CD163L1: variants seen among roughly 807,000 people sequenced by gnomAD.
CD163L1 encodes scavenger receptor cysteine-rich type 1 protein M160.
A neutral mutation model predicts 165.4 loss-of-function variants in CD163L1; 124 were observed. That is an observed-to-expected ratio of 0.75 (90% confidence interval 0.65 to 0.87). The LOEUF is 0.87. CD163L1 is among the 40% of genes least tolerant of loss of function. CD163L1 has a pLI of 0.00. For synonymous variants in CD163L1, 585 were observed against 662.2 expected (o/e 0.88, Z 1.79); for missense variants, 1,525 against 1,799.9 (o/e 0.85, Z 2.76).
intron 18 of CD163L1, among the ~76,000 whole-genome samples, chr12:7,364,872 C>T (rs914463596): frequency 1.1e-4 from 16 of 152,050 alleles, no homozygotes; most frequent in South Asian, 6.2e-4. Context: ...ACGGATTCAA[C>T]GCAATCTCTT....
chr12:7,439,357 C>T (rs759435468), intron 2 of CD163L1: 64 of 1,598,138 alleles, frequency 4.0e-5, no homozygotes, highest in Non-Finnish European at 4.9e-5. Context: ...TTTTTGGACT[C>T]CTTTAGTTCT....
rs1947188430 is a variant in CD163L1, at chr12:7,373,540, C to T, written c.3510G>A (p.Arg1170=). ...YNGTWGSVGR[R]NITTAIAGIV... ...TGCCTGCTATGGCTGTGGTGATGTT[C>T]CTCCTGCCGACGCTGCCCCAGGTCC... The change falls in exon 14 of 20, where the codon AGG becomes AGA. Residue 1170 remains arginine (R), a synonymous_variant. Transcript: ENST00000313599. 8 of 1,614,100 alleles carry T rather than the reference C, an allele frequency of 5.0e-6. No individual in the cohort carries two copies. Among genetic ancestry groups the T allele is most frequent in the Non-Finnish European group, 4.2e-6 (5 of 1,180,040 alleles).
chr12:7,365,645 C>T (rs1947000560), intron 18 of CD163L1, among the ~76,000 whole-genome samples: 1 of 151,774 alleles, frequency 6.6e-6, no homozygotes, highest in African/African-American at 2.4e-5. Context: ...TACAAATGGC[C>T]AATATGTAAA....
At chr12:7,375,154 G>T in intron 11 of CD163L1, 127 bp downstream of exon 11, 1 of 941,806 alleles carries the variant, frequency 1.1e-6, no homozygotes. Context: ...GTTACTCTTT[G>T]ACTGTCATGC....
rs1042668180 is a variant in CD163L1, at chr12:7,369,046, G to A, written c.4040-81C>T. On this transcript the variant is annotated intron_variant, in intron 15 of 19. Coordinates refer to ENST00000313599, the MANE Select transcript of CD163L1 (RefSeq NM_174941.6). The surrounding 1 kb of genome is among the most constrained non-coding windows in gnomAD (Gnocchi z 4.9). Reference sequence around the variant, plus strand: ...TCTTTTTACATCTCCTGCGATTATCGGATGTCATTTAAATATCCTTTTAAC... The same window carrying A: ...TCTTTTTACATCTCCTGCGATTATCAGATGTCATTTAAATATCCTTTTAAC... 5.2e-5 allele frequency: 74 copies of A among 1,418,552 alleles called. 1 individual carries two copies. In the South Asian group the frequency reaches 6.5e-4, roughly 13 times the overall value. 87.9% of individuals were successfully genotyped at this position (1,418,552 alleles called of 1,614,324 possible). A position where few individuals can be genotyped will look rare whatever the true frequency, so the allele number is the denominator to read the frequency against.
At position 7,375,594 on chromosome 12, in the gene CD163L1, T is replaced by A. The variant is rs1947250745; in HGVS notation, c.2688A>T (p.Arg896=). The A allele has an allele frequency of 6.2e-6, 10 of 1,612,208 alleles. No homozygotes were observed. Among genetic ancestry groups the A allele is most frequent in the Non-Finnish European group, 8.5e-6 (10 of 1,179,842 alleles). ...CATTCACAAGTCGGACATCTGTATA[T>A]CCTAGGAGGAGACAAGGCCATAGAA... is the stretch of plus-strand genomic sequence containing the variant. ...HSREVGVVCS[R]YTDVRLVNGK... The change falls in exon 11 of 20, where the codon CGA becomes CGT. Residue 896 remains arginine, a splice_region_variant and synonymous_variant. Transcript: ENST00000313599.
In CD163L1 at chr12:7,398,137, T is replaced by C. The variant is rs1217517699; in HGVS notation, c.1729+127A>G. The C allele has an allele frequency of 1.3e-6, 1 of 777,878 alleles. No individual in the cohort carries two copies. The highest frequency in any genetic ancestry group is 2.0e-6 in the Non-Finnish European group (1 of 490,260). 48.2% of individuals were successfully genotyped at this position (777,878 alleles called of 1,614,324 possible). A position where few individuals can be genotyped will look rare whatever the true frequency, so the allele number is the denominator to read the frequency against. On this transcript the variant is annotated intron_variant, in intron 7 of 19. Coordinates refer to ENST00000313599, the MANE Select transcript of CD163L1 (RefSeq NM_174941.6). The surrounding 1 kb of genome is among the most constrained non-coding windows in gnomAD (Gnocchi z 4.5). ...CCAGGTGAAGTGAACTGAAGTCTAA[T>C]TTAAAGACAAGAGTCATGGCCCCTC...
rs1196536473 is a variant in CD163L1 at position 7,406,454 on chromosome 12, G to T, written c.1087+78C>A. 8 of 1,379,724 alleles carry T rather than the reference G, an allele frequency of 5.8e-6. No homozygotes were observed. In the Admixed American group the frequency reaches 1.7e-4, roughly 30 times the overall value. The allele number at this position is 1,379,724 out of a possible 1,614,324, so 85.5% of individuals were successfully genotyped here. ...CAATTCTTACACATCACAATTGGTTGTAACTTTTTCAGGGTTTGGTCCTAG... is the reference window on the plus strand; with the variant it reads ...CAATTCTTACACATCACAATTGGTTTTAACTTTTTCAGGGTTTGGTCCTAG... On this transcript the variant is annotated intron_variant, in intron 5 of 19. Coordinates refer to ENST00000313599, the MANE Select transcript of CD163L1 (RefSeq NM_174941.6).
Position 7,432,621 on chromosome 12 carries a change from A to G in CD163L1, c.561T>C (p.Asn187=). 1 of 1,614,210 alleles carries G rather than the reference A, an allele frequency of 6.2e-7. No individual in the cohort carries two copies. The highest frequency in any genetic ancestry group is 8.5e-7 in the Non-Finnish European group (1 of 1,180,044). ...GTTGCCTGCACACCACGGCAGCAGT[A>G]TTCAAGTTCCACCCATCATCACATA... ...GTICDDGWNL[N]TAAVVCRQLG... The change falls in exon 4 of 20, where the codon AAT becomes AAC. Residue 187 remains asparagine, a synonymous_variant. Transcript: ENST00000313599. This position sits in a 1 kb window ranked among gnomAD's most constrained non-coding sequence, Gnocchi z 4.2.
chr12:7,434,361 C>T (rs1176283124), intron 2 of CD163L1, among the ~76,000 whole-genome samples: 1 of 152,038 alleles, frequency 6.6e-6, no homozygotes, highest in African/African-American at 2.4e-5. Context: ...ACTCATATTC[C>T]CATCTTAAAA....
rs1190214545 is a variant in CD163L1 at position 7,412,989 on chromosome 12, G to A, written c.767-6137C>T. ...CAGGTGCCTATAATCCCAGCCACTC[G>A]GGAGGCTGAGGCAGGAGAATCGCTT... On this transcript the variant is annotated intron_variant, in intron 4 of 19. Transcript: ENST00000313599. Among the ~76,000 whole-genome samples, 3 of 151,290 alleles carry A rather than the reference G, an allele frequency of 2.0e-5. 1 individual carries two copies. The highest frequency in any genetic ancestry group is 4.4e-5 in the Non-Finnish European group (3 of 67,784).
In CD163L1 at chr12:7,368,004, T is replaced by A; in HGVS notation, c.4183+83A>T. On this transcript the variant is annotated intron_variant, in intron 17 of 19. Transcript: ENST00000313599. This position sits in a 1 kb window ranked among gnomAD's most constrained non-coding sequence, Gnocchi z 4.3. ...TCACTCAAAGTGGCAAGTGCATTTCTTCCATTCTGCAAGAATCCCCCATCC... is the reference window on the plus strand; with the variant it reads ...TCACTCAAAGTGGCAAGTGCATTTCATCCATTCTGCAAGAATCCCCCATCC... 1 of 810,936 alleles carries A rather than the reference T, an allele frequency of 1.2e-6. No individual in the cohort carries two copies. Among genetic ancestry groups the A allele is most frequent in the Non-Finnish European group, 2.1e-6 (1 of 468,506 alleles). 50.2% of individuals were successfully genotyped at this position (810,936 alleles called of 1,614,324 possible). A position where few individuals can be genotyped will look rare whatever the true frequency, so the allele number is the denominator to read the frequency against.
At chr12:7,414,773 C>G (rs1049237869) in intron 4 of CD163L1, among the ~76,000 whole-genome samples, 4 of 152,038 alleles carry the variant, frequency 2.6e-5, no homozygotes, top group Non-Finnish European at 5.9e-5. Flanking sequence ...CTCAACAGAA[C>G]CTTGCAACCT....
At chr12:7,352,728 A>G (rs1176183797), downstream of CD163L1, among the ~76,000 whole-genome samples, 7 of 152,148 alleles carry the variant, frequency 4.6e-5, no homozygotes, top group African/African-American at 1.4e-4. Context: ...AACTCAGCAG[A>G]GACATCAGAG....
chr12:7,389,523 TG>T (rs1947600583), intron 8 of CD163L1, among the ~76,000 whole-genome samples: 1 of 151,664 alleles, frequency 6.6e-6, no homozygotes, highest in Admixed American at 6.6e-5. Context: ...GGAAGGGTAA[TG>T]GGGGGCTGGA....
chr12:7,363,216 G>A (rs1471007387), intron 18 of CD163L1, among the ~76,000 whole-genome samples: 1 of 152,008 alleles, frequency 6.6e-6, no homozygotes, highest in East Asian at 1.9e-4. Flanking sequence ...GTTTGAGGCA[G>A]GAGATTTGCT....
chr12:7,340,284 A>G, the CD163L1 span, among the ~76,000 whole-genome samples: 8 of 152,274 alleles, frequency 5.3e-5, no homozygotes, highest in East Asian at 1.5e-3. Context: ...GTCTGAGTAC[A>G]TATTTGGATT....
At chr12:7,413,071 G>A (rs1196964213) in intron 4 of CD163L1, among the ~76,000 whole-genome samples, 1 of 121,830 alleles carries the variant, frequency 8.2e-6, no homozygotes. Context: ...ACTCCTGAGC[G>A]ACAGAGTGAG....
At chr12:7,437,643 T>C (rs778981508) in intron 2 of CD163L1, among the ~76,000 whole-genome samples, 8 of 151,002 alleles carry the variant, frequency 5.3e-5, no homozygotes, top group African/African-American at 1.9e-4. Context: ...GCTTCATCCA[T>C]GTCCCTACAA....
Sources: gnomAD v4.1 joint callset for allele counts (sites outside exome capture counted in the v4.1 genomes callset) on GRCh38, gnomAD v4.1.1 for gene constraint, Gnocchi (gnomAD v3.1) non-coding constraint, MANE v1.5 for transcripts, NCBI Gene and HGNC (gene_info 2026-07-23, HGNC 2026-07-21) for gene names.